The following CERT1 variants were observed in gnomAD, a reference collection of about 807,000 sequenced individuals.
CERT1 encodes ceramide transfer protein.
Under a neutral mutation model 87.9 loss-of-function variants are expected in CERT1, and 31 were observed. The ratio of observed to expected loss-of-function variants is 0.35; its 90% CI spans 0.27 to 0.48. The LOEUF (loss-of-function observed/expected upper bound fraction) is 0.48, where lower values mean the gene tolerates loss of function less well. CERT1 is among the 20% of genes least tolerant of loss of function. CERT1 has a pLI of 0.99. For synonymous variants in CERT1, 289 were observed against 250.9 expected (o/e 1.15, Z -1.44); for missense variants, 487 against 758.0 (o/e 0.64, Z 4.20).
intron 7 of CERT1, among the ~76,000 whole-genome samples, chr5:75,415,355 G>A (rs1286297929): frequency 6.6e-6 from 1 of 152,176 alleles, no homozygotes; most frequent in African/African-American, 2.4e-5. Flanking sequence ...ATCTTTTCTG[G>A]CTGTTCTTTG....
chr5:75,492,412 A>C (rs763533693), intron 2 of CERT1, among the ~76,000 whole-genome samples: 1 of 152,212 alleles, frequency 6.6e-6, no homozygotes, highest in South Asian at 2.1e-4. Context: ...CAGAAAGATG[A>C]GAATGAGATC....
intron 3 of CERT1, among the ~76,000 whole-genome samples, chr5:75,429,769 T>A (rs1245361356): frequency 4.0e-5 from 6 of 151,664 alleles, no homozygotes; most frequent in Admixed American, 3.3e-4. Flanking sequence ...CACCATAAAG[T>A]TTGGTTCCTG....
intron 3 of CERT1, among the ~76,000 whole-genome samples, chr5:75,429,961 A>T (rs1394168066): frequency 2.0e-5 from 3 of 152,108 alleles, no homozygotes; most frequent in Non-Finnish European, 4.4e-5. Flanking sequence ...TAACAATCTC[A>T]AAGGAGGAGG....
chr5:75,510,979 T>C, intron 1 of CERT1, 133 bp downstream of exon 1: 4 of 1,244,666 alleles, frequency 3.2e-6, no homozygotes, highest in Non-Finnish European at 4.3e-6. Flanking sequence ...TCATCCCTAG[T>C]CGCTGCAGCA....
At chr5:75,381,272 T>C in intron 15 of CERT1, 71 bp from the exon 16 acceptor site, 10 of 1,544,678 alleles carry the variant, frequency 6.5e-6, no homozygotes, top group Non-Finnish European at 8.9e-6. Flanking sequence ...TAATATTATA[T>C]TAGGTTAACC....
intron 9 of CERT1, chr5:75,401,943 C>T (rs372874368): frequency 2.0e-5 from 3 of 152,180 alleles, no homozygotes; most frequent in African/African-American, 7.2e-5. Flanking sequence ...AAAGGTTAAG[C>T]TTCCACCATA....
At chr5:75,377,333 G>T (rs75329460), downstream of CERT1, 4 of 152,166 alleles carry the variant, frequency 2.6e-5, no homozygotes, top group Admixed American at 6.5e-5. Flanking sequence ...ATGAAAAGTA[G>T]TATCTAAATT....
Position 75,396,752 on chromosome 5 carries a change from A to C in CERT1, c.1188+2558T>G, listed in dbSNP as rs576865893. Among the ~76,000 whole-genome samples the C allele has an allele frequency of 2.6e-5, 4 of 151,896 alleles. 1 individual carries two copies. The highest frequency in any genetic ancestry group is 2.6e-4 in the Admixed American group (4 of 15,238). ...CTCAAAAAAAAAAAAAAAACAAAAA[A>C]CAGAAAAGACCGATGCAATGTAATA... On this transcript the variant is annotated intron_variant, in intron 11 of 16. Coordinates refer to ENST00000643780, the MANE Select transcript of CERT1 (RefSeq NM_001379029.1).
intron 14 of CERT1, 114 bp downstream of exon 14, chr5:75,384,528 A>T: frequency 1.5e-6 from 1 of 647,136 alleles, no homozygotes; most frequent in South Asian, 2.0e-5. Context: ...TATTTAATAA[A>T]GTCTTTGGAT....
chr5:75,426,142 GTTTT>G (rs978450277), intron 4 of CERT1, among the ~76,000 whole-genome samples: 1 of 152,066 alleles, frequency 6.6e-6, no homozygotes, highest in African/African-American at 2.4e-5. Context: ...CTTTGAACCA[GTTTT>G]TTTATATTTT....
Position 75,384,645 on chromosome 5 carries a change from G to A in CERT1, c.1485C>T (p.His495=), listed in dbSNP as rs2112008281. 1 of 1,595,148 alleles carries A rather than the reference G, an allele frequency of 6.3e-7. No individual in the cohort carries two copies. The highest frequency in any genetic ancestry group is 8.6e-7 in the Non-Finnish European group (1 of 1,163,506). Residue 495 remains histidine (H), a synonymous_variant, in exon 14 of 17, where the codon CAC becomes CAT. Transcript: ENST00000643780. ...GGATGAATGAAGAGATCTTTACCTT[G>A]TGTGTTTGATAAATGATGATTGCAT... ...ADNAIIIYQT[H]KRVWPASQRD...
chr5:75,502,582 C>T (rs1767426360), intron 2 of CERT1, among the ~76,000 whole-genome samples: 1 of 151,912 alleles, frequency 6.6e-6, no homozygotes, highest in Admixed American at 6.6e-5. Flanking sequence ...AATATGATAC[C>T]ATTTGTGTAA....
chr5:75,386,058 C>A, intron 12 of CERT1, 24 bp from the exon 13 acceptor site: 1 of 1,437,380 alleles, frequency 7.0e-7, no homozygotes, highest in Non-Finnish European at 9.2e-7. Flanking sequence ...AATTCCAAAA[C>A]TGTTTGAAAA....
chr5:75,369,886 C>G (rs556935858), intron 17 of CERT1: 1 of 152,170 alleles, frequency 6.6e-6, no homozygotes, highest in Non-Finnish European at 1.5e-5. Context: ...AGATGTGGAA[C>G]GTTCACAGAA....
chr5:75,384,746 T>C, intron 13 of CERT1, 34 bp from the exon 14 acceptor site: 1 of 1,341,568 alleles, frequency 7.5e-7, no homozygotes, highest in Non-Finnish European at 1.1e-6. Flanking sequence ...AGATATATTA[T>C]CTTTTCCTAG....
chr5:75,435,175 AG>A (rs1764036561), intron 3 of CERT1, among the ~76,000 whole-genome samples: 1 of 152,200 alleles, frequency 6.6e-6, no homozygotes, highest in African/African-American at 2.4e-5. Context: ...ACTGATTCAA[AG>A]GAGTGGTCTT....
At chr5:75,500,562 T>C (rs1767305159) in intron 2 of CERT1, among the ~76,000 whole-genome samples, 1 of 152,200 alleles carries the variant, frequency 6.6e-6, no homozygotes, top group Admixed American at 6.5e-5. Flanking sequence ...TCTCAAAGCA[T>C]AAATCTTAGC....
At chr5:75,447,144 T>C (rs1022403631) in intron 3 of CERT1, among the ~76,000 whole-genome samples, 4 of 152,208 alleles carry the variant, frequency 2.6e-5, no homozygotes, top group African/African-American at 9.6e-5. Context: ...GCTACTACTG[T>C]GTTAAGAGCT....
At chr5:75,440,776 A>G (rs189592610) in intron 3 of CERT1, among the ~76,000 whole-genome samples, 1 of 38,480 alleles carries the variant, frequency 2.6e-5, no homozygotes, top group Non-Finnish European at 3.9e-5. Context: ...CATCCAAAGT[A>G]AAAAAAAATG....
Sources: gnomAD v4.1 joint callset for allele counts (sites outside exome capture counted in the v4.1 genomes callset) on GRCh38, gnomAD v4.1.1 for gene constraint, MANE v1.5 for transcripts, NCBI Gene and HGNC (gene_info 2026-07-23, HGNC 2026-07-21) for gene names.